Variants in ERCC6L observed in about 807,000 individuals in gnomAD.
ERCC6L encodes DNA excision repair protein ERCC-6-like.
ERCC6L carries 7 observed loss-of-function variants against 20.1 expected under a neutral mutation model. The observed-to-expected ratio is 0.35, with a 90% confidence interval of 0.20 to 0.65. The LOEUF (loss-of-function observed/expected upper bound fraction) is 0.65. ERCC6L is among the 30% of genes least tolerant of loss of function. ERCC6L has a pLI of 0.69. For missense variants in ERCC6L, 592 were observed against 892.4 expected, an observed-to-expected ratio of 0.66 and a Z score of 4.29; for synonymous variants, 278 against 331.3, an observed-to-expected ratio of 0.84 and a Z score of 1.75.
chrX:72,205,568 C>T lies in ERCC6L; in HGVS notation c.3199G>A (p.Asp1067Asn). 8.3e-7 allele frequency: 1 copy of T among 1,210,929 alleles called. No individual in the cohort carries two copies. The highest frequency in any genetic ancestry group is 1.1e-6 in the Non-Finnish European group (1 of 894,803). The part of the protein sequence containing the change: ...KQFDASTPKN[D>N]ISPPGRFFSS... The stretch of plus-strand genomic sequence containing the variant: ...AAGAACCTTCCTGGTGGACTGATGT[C>T]ATTTTTGGGAGTTGAAGCATCAAAT... The change falls in exon 2 of 2, where the codon GAC (aspartate) becomes AAC (asparagine). Residue 1067 changes from aspartate (D) to asparagine (N), a missense_variant. Physicochemically the swap from Asp to Asn is conservative, Grantham distance 23 (BLOSUM62 1). This residue lies in a region of ERCC6L where 352 missense variants were observed against 402.6 expected (regional missense o/e 0.87). Coordinates refer to ENST00000334463, the MANE Select transcript of ERCC6L (RefSeq NM_017669.4).
At chrX:72,221,307 C>T (rs1022902164) in intron 1 of ERCC6L, among the ~76,000 whole-genome samples, 4 of 112,055 alleles carry the variant, frequency 3.6e-5, no homozygotes, top group Non-Finnish European at 7.5e-5. Context: ...GGCTTTCTCA[C>T]GGTACCAGGA....
At chrX:72,236,445 G>A (rs186739365) in intron 1 of ERCC6L, among the ~76,000 whole-genome samples, 129 of 111,264 alleles carry the variant, frequency 1.2e-3, no homozygotes, top group South Asian at 3.4e-3. Context: ...ACAGGTGCCC[G>A]CCACCATATC....
intron 1 of ERCC6L, among the ~76,000 whole-genome samples, chrX:72,220,745 C>T (rs2042918429): frequency 8.9e-6 from 1 of 111,797 alleles, no homozygotes; most frequent in Non-Finnish European, 1.9e-5. Context: ...CACCCTAAAA[C>T]CAATATATAC....
In ERCC6L at chrX:72,205,088, G is replaced by T. The variant is rs1171451352; in HGVS notation, c.3679C>A (p.Leu1227Ile). 2.6e-5 allele frequency: 31 copies of T among 1,209,272 alleles called. No homozygotes were observed. The highest frequency in any genetic ancestry group is 3.5e-5 in the African/African-American group (2 of 57,155). ...QEALNCLVKA[L>I]DIKSADPEVM... is the part of the protein sequence containing the mutation. Reference sequence around the variant, plus strand: ...TCAGGATCTGCACTTTTTATGTCAAGCGCTTTAACTAAGCAGTTTAGGGCC... The same window carrying T: ...TCAGGATCTGCACTTTTTATGTCAATCGCTTTAACTAAGCAGTTTAGGGCC... The change falls in exon 2 of 2, where the codon CTT becomes ATT. Residue 1227 changes from leucine to isoleucine, a missense_variant. Physicochemically the swap from Leu to Ile is conservative, Grantham distance 5 (BLOSUM62 2). This residue lies in a region of ERCC6L where 352 missense variants were observed against 402.6 expected (regional missense o/e 0.87). Transcript: ENST00000334463.
At chrX:72,209,201 C>A (rs1444573989) in intron 1 of ERCC6L, among the ~76,000 whole-genome samples, 5 of 111,050 alleles carry the variant, frequency 4.5e-5, no homozygotes, top group Non-Finnish European at 9.4e-5. Flanking sequence ...TCCCAGAGGA[C>A]TCAGTCCTAG....
intron 1 of ERCC6L, among the ~76,000 whole-genome samples, chrX:72,209,727 A>T (rs1389479338): frequency 1.8e-5 from 2 of 110,800 alleles, no homozygotes; most frequent in East Asian, 5.7e-4. Flanking sequence ...TCCAATACAC[A>T]CTCTATATAG....
chrX:72,220,410 T>C (rs967252578), intron 1 of ERCC6L, among the ~76,000 whole-genome samples: 3 of 111,779 alleles, frequency 2.7e-5, no homozygotes, highest in Non-Finnish European at 3.8e-5. Flanking sequence ...ATCGGCATCT[T>C]GGACAAGCCC....
In ERCC6L at chrX:72,205,460, C is replaced by T; in HGVS notation, c.3307G>A (p.Val1103Ile). ...TCCATGTCCTCCACGTGGTCTAAAA[C>T]CATATTAATAAGAGACCTCCTAGAA... ...LASRRSLINMVLDHVEDMEER... is the reference protein window; with the variant it reads ...LASRRSLINMILDHVEDMEER... Residue 1103 changes from valine to isoleucine, a missense_variant, in exon 2 of 2, where the codon GTT becomes ATT. Physicochemically the swap from Val to Ile is conservative, Grantham distance 29 (BLOSUM62 3). Coordinates refer to ENST00000334463, the MANE Select transcript of ERCC6L (RefSeq NM_017669.4). The T allele has an allele frequency of 8.3e-7, 1 of 1,211,691 alleles. No homozygotes were observed. Among genetic ancestry groups the T allele is most frequent in the Non-Finnish European group, 1.1e-6 (1 of 895,476 alleles).
Position 72,227,918 on chromosome X carries a change from A to C in ERCC6L, c.68+10926T>G, listed in dbSNP as rs200270691. Among the ~76,000 whole-genome samples the C allele has an allele frequency of 1.4e-4, 16 of 112,766 alleles. No individual in the cohort carries two copies. In the East Asian group the frequency reaches 4.4e-3, roughly 31 times the overall value. ...GTACTTTATGTTCTTAGCTCCTACA[A>C]TTTAGCCTAAATATTTGCCCTGGCA... On this transcript the variant is annotated intron_variant, in intron 1 of 1. Transcript: ENST00000334463.
At chrX:72,216,511 A>G (rs1332803606) in intron 1 of ERCC6L, among the ~76,000 whole-genome samples, 1 of 112,078 alleles carries the variant, frequency 8.9e-6, no homozygotes, top group Non-Finnish European at 1.9e-5. Context: ...ACGTGTAATC[A>G]TCACCACTAT....
At chrX:72,215,673 C>T (rs1360560118) in intron 1 of ERCC6L, among the ~76,000 whole-genome samples, 2 of 111,433 alleles carry the variant, frequency 1.8e-5, no homozygotes, top group East Asian at 2.8e-4. Context: ...TAACACGCTG[C>T]GATTTGGCTT....
intron 1 of ERCC6L, chrX:72,237,807 T>C (rs1161581474): frequency 9.1e-6 from 1 of 110,193 alleles, no homozygotes; most frequent in Non-Finnish European, 1.9e-5. Context: ...AAATAATAAA[T>C]TGGCTGGACA....
chrX:72,237,546 C>T (rs1039294552), intron 1 of ERCC6L, among the ~76,000 whole-genome samples: 1 of 108,208 alleles, frequency 9.2e-6, no homozygotes, highest in Non-Finnish European at 1.9e-5. Flanking sequence ...TGCTGTGAGC[C>T]CAGACCGCGC....
chrX:72,211,476 T>C (rs2042853752), intron 1 of ERCC6L, among the ~76,000 whole-genome samples: 1 of 112,250 alleles, frequency 8.9e-6, no homozygotes, highest in African/African-American at 3.2e-5. Flanking sequence ...TAGAGCATGT[T>C]TCTCTTTAAG....
chrX:72,216,201 C>G (rs1000957922), intron 1 of ERCC6L, among the ~76,000 whole-genome samples: 3 of 109,038 alleles, frequency 2.8e-5, no homozygotes, highest in Non-Finnish European at 5.7e-5. Flanking sequence ...ACTGAGACAC[C>G]GAGACATAGA....
In ERCC6L at chrX:72,238,992, T is replaced by C. The variant is rs964846419; in HGVS notation, c.-81A>G. On this transcript the variant is annotated 5_prime_UTR_variant, in exon 1 of 2. Coordinates refer to ENST00000334463, the MANE Select transcript of ERCC6L (RefSeq NM_017669.4). ...AGCTTGGAGCTTGGAGCTTAGAGTT[T>C]GGAGCTTGAATTTCGCTCACTCCCG... 1.0e-6 allele frequency: 1 copy of C among 991,820 alleles called. No homozygotes were observed. The highest frequency in any genetic ancestry group is 1.4e-6 in the Non-Finnish European group (1 of 717,272). 81.7% of individuals were successfully genotyped at this position (991,820 alleles called of 1,213,427 possible).
chrX:72,230,174 C>CA (rs1171837425), intron 1 of ERCC6L, among the ~76,000 whole-genome samples: 5 of 104,772 alleles, frequency 4.8e-5, no homozygotes, highest in African/African-American at 1.1e-4. Context: ...GACTCCGACT[C>CA]AAAAAAAATA....
chrX:72,230,660 TA>T (rs1263947263), intron 1 of ERCC6L, among the ~76,000 whole-genome samples: 2 of 112,016 alleles, frequency 1.8e-5, no homozygotes, highest in Admixed American at 9.5e-5. Flanking sequence ...GGTACTATTA[TA>T]AATTAGCATG....
Position 72,206,324 on chromosome X carries a change from G to A in ERCC6L, c.2443C>T (p.Pro815Ser), listed in dbSNP as rs1212794517. The A allele has an allele frequency of 9.9e-6, 12 of 1,207,539 alleles. No homozygotes were observed. The highest frequency in any genetic ancestry group is 1.3e-5 in the Non-Finnish European group (12 of 893,966). ...TGSADSIATL[P>S]KGFGSVEELC... is the part of the protein sequence containing the mutation. ...TCTTCTACACTTCCAAACCCCTTTG[G>A]TAAAGTAGCTATAGAGTCAGCACTA... The change falls in exon 2 of 2, where the codon CCA (proline) becomes TCA (serine). Residue 815 changes from proline (P) to serine (S), a missense_variant. By Grantham distance (74) the Pro-to-Ser change is moderately conservative. Around this residue, in one of 3 missense-constraint regions of ERCC6L, gnomAD observed 352 missense variants for 402.6 expected, o/e 0.87. Coordinates refer to ENST00000334463, the MANE Select transcript of ERCC6L (RefSeq NM_017669.4).
Sources: allele counts gnomAD v4.1 joint callset (sites outside exome capture counted in the v4.1 genomes callset), GRCh38; gene constraint gnomAD v4.1.1; regional missense constraint gnomAD v4.1.1; transcripts MANE v1.5; gene names NCBI Gene and HGNC (gene_info 2026-07-23, HGNC 2026-07-21).